The following SLC5A1 variants were observed in gnomAD, a reference collection of about 807,000 sequenced individuals.
SLC5A1 encodes sodium/glucose cotransporter 1.
In SLC5A1, 42 loss-of-function variants were observed where a neutral mutation model predicts 73.5. The observed-to-expected ratio is 0.57, with a 90% CI of 0.45 to 0.74. The LOEUF is 0.74. Ranked by LOEUF, SLC5A1 falls within the 30% of genes least tolerant of loss-of-function variation. The pLI is 0.00. For synonymous variants in SLC5A1, 300 were observed against 317.4 expected (o/e 0.95, Z 0.58); for missense variants, 634 against 855.4 (o/e 0.74, Z 3.23).
intron 5 of SLC5A1, among the ~76,000 whole-genome samples, chr22:32,077,585 TAATGA>T (rs2093993067): frequency 6.6e-6 from 1 of 152,176 alleles, no homozygotes; most frequent in African/African-American, 2.4e-5. Context: ...ATAAAAAATT[TAATGA>T]AATACTTCAA....
chr22:32,071,700 C>A (rs2093983149), intron 5 of SLC5A1, among the ~76,000 whole-genome samples: 1 of 151,956 alleles, frequency 6.6e-6, no homozygotes, highest in Non-Finnish European at 1.5e-5. Flanking sequence ...TCTCCCCTAT[C>A]CAGCACCAAA....
At chr22:32,075,457 G>A (rs1404716624) in intron 5 of SLC5A1, among the ~76,000 whole-genome samples, 1 of 152,152 alleles carries the variant, frequency 6.6e-6, no homozygotes, top group Non-Finnish European at 1.5e-5. Context: ...TGGAGAAACT[G>A]AGGTCCAGAC....
At chr22:32,079,515 C>A (rs2093996264) in intron 5 of SLC5A1, among the ~76,000 whole-genome samples, 1 of 152,190 alleles carries the variant, frequency 6.6e-6, no homozygotes, top group Non-Finnish European at 1.5e-5. Context: ...CTCTTTGTGA[C>A]TAATGACAGC....
At chr22:32,050,976 C>T (rs991038403) in intron 2 of SLC5A1, among the ~76,000 whole-genome samples, 6 of 152,192 alleles carry the variant, frequency 3.9e-5, no homozygotes, top group East Asian at 1.9e-4. Context: ...GCTGTCTGTG[C>T]GGAGATGTGA....
At chr22:32,086,724 A>T (rs1390834204) in intron 10 of SLC5A1, among the ~76,000 whole-genome samples, 1 of 152,214 alleles carries the variant, frequency 6.6e-6, no homozygotes, top group Non-Finnish European at 1.5e-5. Context: ...CTACCATATG[A>T]TCTAGTAATC....
Position 32,056,603 on chromosome 22 carries a change from A to G in SLC5A1, c.207+6589A>G, listed in dbSNP as rs534878253. Among the ~76,000 whole-genome samples, 4 of 152,262 alleles carry G rather than the reference A, an allele frequency of 2.6e-5. No homozygotes were observed. The South Asian group carries it at 6.2e-4, about 24-fold the overall frequency. On this transcript the variant is annotated intron_variant, in intron 2 of 14. Coordinates refer to ENST00000266088, the MANE Select transcript of SLC5A1 (RefSeq NM_000343.4). Reference sequence around the variant, plus strand: ...ATTATGTTAAAGTTTAAGGACCACTATTGGAGGATATCCCAAGGGAGGAGT... The same window carrying G: ...ATTATGTTAAAGTTTAAGGACCACTGTTGGAGGATATCCCAAGGGAGGAGT...
intron 5 of SLC5A1, among the ~76,000 whole-genome samples, chr22:32,074,168 G>C (rs148364224): frequency 6.6e-6 from 1 of 152,218 alleles, no homozygotes; most frequent in Non-Finnish European, 1.5e-5. Context: ...GTGAAAGTCT[G>C]TGGACTGCAG....
chr22:32,099,172 T>G lies in SLC5A1; in HGVS notation c.1281-11T>G. 1 of 1,588,988 alleles carries G rather than the reference T, an allele frequency of 6.3e-7. No individual in the cohort carries two copies. On this transcript the variant is annotated splice_polypyrimidine_tract_variant and intron_variant, in intron 11 of 14. Coordinates refer to ENST00000266088, the MANE Select transcript of SLC5A1 (RefSeq NM_000343.4). ...TTTATTGACACCTTGTTGTGGGGGC[T>G]TTAATTTCAGGTTGTTTATCCTGGT...
intron 1 of SLC5A1, among the ~76,000 whole-genome samples, chr22:32,048,734 T>C (rs963026633): frequency 2.2e-4 from 34 of 152,176 alleles, no homozygotes; most frequent in African/African-American, 7.7e-4. Flanking sequence ...CCTGGCTCCC[T>C]GGTCTGACAA....
chr22:32,104,795 C>T lies in SLC5A1; in HGVS notation c.1675C>T (p.Leu559=). ...TCTGCCTTCTCTGCAGCTCTACCGT[C>T]TGTGTTGGAGCCTGCGCAACAGCAA... ...KPIPDVHLYR[L]CWSLRNSKEE... The change falls in exon 14 of 15, where the codon CTG becomes TTG. Residue 559 remains leucine (L), a synonymous_variant. Transcript: ENST00000266088. 1 of 1,613,924 alleles carries T rather than the reference C, an allele frequency of 6.2e-7. No homozygotes were observed. The highest frequency in any genetic ancestry group is 8.5e-7 in the Non-Finnish European group (1 of 1,179,856).
At chr22:32,090,131 T>G (rs1459671940) in intron 10 of SLC5A1, among the ~76,000 whole-genome samples, 1 of 151,288 alleles carries the variant, frequency 6.6e-6, no homozygotes, top group Admixed American at 6.6e-5. Flanking sequence ...AAAAACTTAA[T>G]TGAGCTTAAA....
chr22:32,049,793 C>A, intron 1 of SLC5A1, 150 bp from the exon 2 acceptor site: 1 of 775,544 alleles, frequency 1.3e-6, no homozygotes, highest in Non-Finnish European at 2.3e-6. Flanking sequence ...TCATCTAAGT[C>A]TTTTGAGGCT....
chr22:32,066,102 C>G (rs2093972557), intron 2 of SLC5A1, among the ~76,000 whole-genome samples: 1 of 152,190 alleles, frequency 6.6e-6, no homozygotes, highest in African/African-American at 2.4e-5. Context: ...TGCAAGATCC[C>G]TCTCTTGCTT....
chr22:32,066,723 C>T (rs1076906), intron 2 of SLC5A1, among the ~76,000 whole-genome samples: 5,084 of 152,296 alleles, frequency 0.033, 116 homozygotes, highest in South Asian at 0.078. Context: ...GCTCCTTCTC[C>T]AATCCTCTCC....
chr22:32,057,667 G>A (rs749225956), intron 2 of SLC5A1, among the ~76,000 whole-genome samples: 1 of 152,214 alleles, frequency 6.6e-6, no homozygotes, highest in South Asian at 2.1e-4. Context: ...ATATGTAAAC[G>A]TGAATCACTT....
chr22:32,067,305 T>C (rs1194782186), intron 3 of SLC5A1, among the ~76,000 whole-genome samples: 2 of 152,092 alleles, frequency 1.3e-5, no homozygotes, highest in Non-Finnish European at 2.9e-5. Flanking sequence ...TCTAGCCATG[T>C]TTGAGGTTTG....
intron 2 of SLC5A1, among the ~76,000 whole-genome samples, chr22:32,062,651 A>G (rs1197039311): frequency 6.6e-6 from 1 of 152,196 alleles, no homozygotes; most frequent in African/African-American, 2.4e-5. Flanking sequence ...ATTCTAGAGA[A>G]GGACGTGATG....
At chr22:32,080,867 A>G (rs1395031865) in intron 5 of SLC5A1, among the ~76,000 whole-genome samples, 1 of 152,084 alleles carries the variant, frequency 6.6e-6, no homozygotes, top group Non-Finnish European at 1.5e-5. Context: ...GGTGGTGCAC[A>G]CATGTAATCC....
At chr22:32,071,024 C>T (rs2093982130) in intron 5 of SLC5A1, among the ~76,000 whole-genome samples, 1 of 152,152 alleles carries the variant, frequency 6.6e-6, no homozygotes, top group African/African-American at 2.4e-5. Flanking sequence ...TGACCTGGGG[C>T]AAATGTCATA....
Sources: gnomAD v4.1 joint callset for allele counts (sites outside exome capture counted in the v4.1 genomes callset) on GRCh38, gnomAD v4.1.1 for gene constraint, MANE v1.5 for transcripts, NCBI Gene and HGNC (gene_info 2026-07-23, HGNC 2026-07-21) for gene names.